B4GALT6: variants seen among roughly 807,000 people sequenced by gnomAD.
The protein encoded by B4GALT6 is beta-1,4-galactosyltransferase 6, also known as UDP-Gal:beta-GlcNAc beta-1,4-galactosyltransferase 6.
A neutral mutation model predicts 46.3 loss-of-function variants in B4GALT6; 14 were observed. That is an observed-to-expected ratio of 0.30 (90% CI 0.20 to 0.47). The LOEUF is 0.47. B4GALT6 is among the 20% of genes least tolerant of loss of function. B4GALT6 has a pLI of 0.99. For missense variants in B4GALT6, 386 were observed against 480.1 expected (o/e 0.80, Z 1.83); for synonymous variants, 168 against 162.0 (o/e 1.04, Z -0.28).
chr18:31,640,457 T>C lies in B4GALT6; in HGVS notation c.472-1697A>G, dbSNP rs1210325109. Among the ~76,000 whole-genome samples, 3 of 152,294 alleles carry C rather than the reference T, an allele frequency of 2.0e-5. No individual in the cohort carries two copies. In the East Asian group the frequency reaches 5.8e-4, roughly 29 times the overall value. On this transcript the variant is annotated intron_variant, in intron 4 of 8. Coordinates refer to ENST00000306851, the MANE Select transcript of B4GALT6 (RefSeq NM_004775.5). ...AGAACAAAAAATGATTTAGTAAAAT[T>C]GAAGATGTCTAAACTATGAACTCCC...
intron 2 of B4GALT6, chr18:31,658,355 A>G (rs138335209): frequency 3.6e-6 from 1 of 278,764 alleles, no homozygotes; most frequent in South Asian, 7.2e-5. Context: ...CCATGTGAGA[A>G]CACCTGCTCC....
intron 5 of B4GALT6, among the ~76,000 whole-genome samples, chr18:31,632,712 T>C (rs2073806722): frequency 6.6e-6 from 1 of 152,228 alleles, no homozygotes; most frequent in Non-Finnish European, 1.5e-5. Flanking sequence ...ACTATGTAAA[T>C]ATTTAATATT....
rs1341642588 is a variant in B4GALT6, at chr18:31,626,871, AG to A, written c.899+127del. On this transcript the variant is annotated intron_variant, in intron 7 of 8. Transcript: ENST00000306851. ...TGAAAAAAAAAGAGAAATATAAAAC[AG>A]GGTTTAGAAACCTCAAACATATCCC... 11 of 713,474 alleles carry A rather than the reference AG, an allele frequency of 1.5e-5. No homozygotes were observed. The African/African-American group carries it at 1.7e-4, about 11-fold the overall frequency. The allele number at this position is 713,474 out of a possible 1,614,324, so 44.2% of individuals were successfully genotyped here.
intron 6 of B4GALT6, among the ~76,000 whole-genome samples, chr18:31,629,500 C>G (rs1455383697): frequency 1.2e-5 from 1 of 86,270 alleles, no homozygotes; most frequent in Non-Finnish European, 2.1e-5. Context: ...ATCGGTTACC[C>G]TGGATCTAAT....
intron 3 of B4GALT6, among the ~76,000 whole-genome samples, chr18:31,651,850 C>A (rs60035989): frequency 0.21 from 32,409 of 151,844 alleles, 4,140 homozygotes; most frequent in African/African-American, 0.35. Flanking sequence ...AGCTCACTGC[C>A]AGCTCCACCT....
the B4GALT6 span, among the ~76,000 whole-genome samples, chr18:31,714,376 C>A: frequency 6.6e-6 from 1 of 152,218 alleles, no homozygotes; most frequent in Non-Finnish European, 1.5e-5. Flanking sequence ...CCCCCAGGAC[C>A]ACTCCAGACC....
At chr18:31,667,470 G>C (rs2074295829) in intron 1 of B4GALT6, among the ~76,000 whole-genome samples, 1 of 152,176 alleles carries the variant, frequency 6.6e-6, no homozygotes. Context: ...TTTTCTAAGT[G>C]CTGCTCCAGT....
intron 7 of B4GALT6, among the ~76,000 whole-genome samples, chr18:31,626,655 A>C (rs1280439614): frequency 6.6e-6 from 1 of 152,122 alleles, no homozygotes; most frequent in African/African-American, 2.4e-5. Context: ...TGCACATGTG[A>C]GGGATCTAGG....
At chr18:31,645,111 T>A (rs757602057) in intron 4 of B4GALT6, among the ~76,000 whole-genome samples, 1 of 152,234 alleles carries the variant, frequency 6.6e-6, no homozygotes, top group Non-Finnish European at 1.5e-5. Context: ...ACGTATTTAT[T>A]ACCAGGAACT....
At chr18:31,674,146 G>C (rs1430503409) in intron 1 of B4GALT6, among the ~76,000 whole-genome samples, 2 of 152,160 alleles carry the variant, frequency 1.3e-5, no homozygotes, top group Non-Finnish European at 2.9e-5. Context: ...TGTTATGGCA[G>C]CCTTAGGAAA....
At chr18:31,691,157 TTA>T in the B4GALT6 span, among the ~76,000 whole-genome samples, 1 of 151,964 alleles carries the variant, frequency 6.6e-6, no homozygotes, top group South Asian at 2.1e-4. Flanking sequence ...GTAAAATCTT[TTA>T]AAAAGTCATT....
intron 3 of B4GALT6, among the ~76,000 whole-genome samples, chr18:31,652,933 A>G (rs2074091869): frequency 1.3e-5 from 2 of 151,898 alleles, no homozygotes; most frequent in South Asian, 4.2e-4. Flanking sequence ...TCTTCCTAAA[A>G]TACAATCCTA....
At chr18:31,687,919 CTG>C (rs765561137), upstream of B4GALT6, among the ~76,000 whole-genome samples, 14 of 152,146 alleles carry the variant, frequency 9.2e-5, no homozygotes, top group East Asian at 1.5e-3. Context: ...ACAATATACA[CTG>C]TGTTTTGAAT....
At chr18:31,628,150 G>T (rs889748395) in intron 6 of B4GALT6, among the ~76,000 whole-genome samples, 3 of 152,184 alleles carry the variant, frequency 2.0e-5, no homozygotes, top group African/African-American at 7.2e-5. Flanking sequence ...AAGCAGTCTT[G>T]CCCTCATCCT....
At chr18:31,693,281 T>C in the B4GALT6 span, among the ~76,000 whole-genome samples, 1 of 152,162 alleles carries the variant, frequency 6.6e-6, no homozygotes, top group Non-Finnish European at 1.5e-5. Context: ...CCTTTGTTTA[T>C]TGCTTGTGTA....
chr18:31,650,480 A>C lies in B4GALT6; in HGVS notation c.347-5001T>G, dbSNP rs543597678. On this transcript the variant is annotated intron_variant, in intron 3 of 8. Transcript: ENST00000306851. ...TGGCAAAAGCTTCTAGCTTTACAGG[A>C]ACCAAGAAGTGGCACTTCTGGTCTC... Among the ~76,000 whole-genome samples the C allele has an allele frequency of 3.3e-3, 496 of 152,324 alleles. 3 individuals carry two copies. The highest frequency in any genetic ancestry group is 0.011 in the African/African-American group (471 of 41,558).
chr18:31,642,873 C>T lies in B4GALT6; in HGVS notation c.471+2482G>A, dbSNP rs184728401. Among the ~76,000 whole-genome samples, 66 of 152,118 alleles carry T rather than the reference C, an allele frequency of 4.3e-4. No homozygotes were observed. The East Asian group carries it at 0.01, about 24-fold the overall frequency. ...CTAATTTTTTTATTTTTAGTAGAGA[C>T]GGGGTCTCAACAGGTTGGCCAGCCA... On this transcript the variant is annotated intron_variant, in intron 4 of 8. Transcript: ENST00000306851.
the B4GALT6 span, among the ~76,000 whole-genome samples, chr18:31,714,981 G>A: frequency 1.3e-5 from 2 of 152,162 alleles, no homozygotes; most frequent in African/African-American, 4.8e-5. Flanking sequence ...CTGAGCTTGA[G>A]TTTCAGATAA....
At chr18:31,705,893 A>G in the B4GALT6 span, among the ~76,000 whole-genome samples, 1 of 152,186 alleles carries the variant, frequency 6.6e-6, no homozygotes, top group Non-Finnish European at 1.5e-5. Context: ...TGAAATGCCT[A>G]TACACACCCA....
Sources: gnomAD v4.1 joint callset for allele counts (sites outside exome capture counted in the v4.1 genomes callset) on GRCh38, gnomAD v4.1.1 for gene constraint, MANE v1.5 for transcripts, NCBI Gene and HGNC (gene_info 2026-07-23, HGNC 2026-07-21) for gene names.